CELF2: variants seen among roughly 807,000 people sequenced by gnomAD.
The protein encoded by CELF2 is CUGBP Elav-like family member 2.
Under a neutral mutation model 62.6 loss-of-function variants are expected in CELF2, and 8 were observed. That is an observed-to-expected ratio of 0.13 (90% CI 0.07 to 0.23). CELF2 has a LOEUF of 0.23. CELF2 is among the 10% of genes least tolerant of loss of function. The pLI is 1.00. For missense variants in CELF2, 333 were observed against 671.0 expected, an observed-to-expected ratio of 0.50 and a Z score of 5.56; for synonymous variants, 258 against 250.0, an observed-to-expected ratio of 1.03 and a Z score of -0.30.
At chr10:10,615,747 T>G in the CELF2 span, among the ~76,000 whole-genome samples, 2 of 152,120 alleles carry the variant, frequency 1.3e-5, no homozygotes, top group African/African-American at 4.8e-5. Context: ...TTGCTTCCCC[T>G]TCACCTTCCA....
chr10:10,527,732 G>A, the CELF2 span, among the ~76,000 whole-genome samples: 140 of 152,246 alleles, frequency 9.2e-4, 1 homozygote, highest in East Asian at 0.012. Context: ...TTCTTTATGC[G>A]GAAGAAAATA....
the CELF2 span, among the ~76,000 whole-genome samples, chr10:10,670,356 C>G: frequency 6.6e-6 from 1 of 152,110 alleles, no homozygotes; most frequent in South Asian, 2.1e-4. Context: ...ATAACACTTA[C>G]CAGTTGACCA....
intron 1 of CELF2, among the ~76,000 whole-genome samples, chr10:11,073,281 G>A (rs1422196309): frequency 1.3e-5 from 2 of 152,124 alleles, no homozygotes; most frequent in African/African-American, 4.8e-5. Flanking sequence ...TTTTTCTCTA[G>A]GAAGGCTTTT....
the CELF2 span, among the ~76,000 whole-genome samples, chr10:10,537,310 C>A: frequency 2.0e-5 from 3 of 152,106 alleles, no homozygotes; most frequent in Non-Finnish European, 4.4e-5. Context: ...AGCTTTATAA[C>A]CGGCCCAGGA....
chr10:10,525,170 A>G, the CELF2 span, among the ~76,000 whole-genome samples: 1,784 of 152,260 alleles, frequency 0.012, 33 homozygotes, highest in African/African-American at 0.041. Context: ...AGCAATTTTC[A>G]AGTATATCAT....
chr10:11,086,312 G>A lies in CELF2; in HGVS notation c.74+68149G>A, dbSNP rs116818493. Among the ~76,000 whole-genome samples the A allele has an allele frequency of 7.4e-3, 1,131 of 151,906 alleles. 9 individuals carry two copies. Among genetic ancestry groups the A allele is most frequent in the African/African-American group, 0.025 (1,025 of 41,422 alleles). On this transcript the variant is annotated intron_variant, in intron 1 of 12. Transcript: ENST00000633077. ...CAATAACAACCGTATTTTTCCCTCC[G>A]CCTGGCCTGTGTCTTGACTTTGGAC...
chr10:11,064,136 A>G (rs1253899387), intron 1 of CELF2, among the ~76,000 whole-genome samples: 1 of 152,170 alleles, frequency 6.6e-6, no homozygotes, highest in African/African-American at 2.4e-5. Context: ...CGGGCAAAAG[A>G]TTGAGTCTTC....
the CELF2 span, among the ~76,000 whole-genome samples, chr10:10,498,719 T>C: frequency 6.6e-6 from 1 of 152,170 alleles, no homozygotes; most frequent in Non-Finnish European, 1.5e-5. Flanking sequence ...GCCAAGCAAG[T>C]GTGTGCATTA....
At chr10:10,850,309 A>G (rs1019661522) in intron 1 of CELF2, among the ~76,000 whole-genome samples, 2 of 152,248 alleles carry the variant, frequency 1.3e-5, no homozygotes, top group African/African-American at 4.8e-5. Flanking sequence ...TTCTCCAGTA[A>G]GAAGATGATT....
the CELF2 span, among the ~76,000 whole-genome samples, chr10:10,665,897 A>T: frequency 1.3e-5 from 2 of 152,278 alleles, no homozygotes; most frequent in South Asian, 2.1e-4. Context: ...CCATACAATC[A>T]TCAGAAGTGG....
At chr10:10,775,273 C>A in the CELF2 span, among the ~76,000 whole-genome samples, 1 of 152,168 alleles carries the variant, frequency 6.6e-6, no homozygotes, top group Non-Finnish European at 1.5e-5. Context: ...GACAGAGGAA[C>A]AACCTTGGCC....
chr10:10,620,917 CA>C, the CELF2 span, among the ~76,000 whole-genome samples: 11,554 of 35,640 alleles, frequency 0.32, 410 homozygotes, highest in Non-Finnish European at 0.34. Context: ...GACCCCATCT[CA>C]AAAAAAAAAA....
the CELF2 span, among the ~76,000 whole-genome samples, chr10:10,684,955 T>G: frequency 6.6e-6 from 1 of 152,142 alleles, no homozygotes; most frequent in South Asian, 2.1e-4. Context: ...ATTTCCCATA[T>G]CTCAGTGGAT....
chr10:10,711,384 AG>A, the CELF2 span, among the ~76,000 whole-genome samples: 1 of 152,208 alleles, frequency 6.6e-6, no homozygotes, highest in South Asian at 2.1e-4. Context: ...AAAAGATGAC[AG>A]GCTTTGTGAT....
chr10:10,728,454 A>G, the CELF2 span, among the ~76,000 whole-genome samples: 1 of 43,272 alleles, frequency 2.3e-5, no homozygotes, highest in South Asian at 1.3e-3. Flanking sequence ...CTCTGTTTCA[A>G]AAAAAAAAAA....
chr10:10,504,238 G>A, the CELF2 span, among the ~76,000 whole-genome samples: 11 of 151,976 alleles, frequency 7.2e-5, no homozygotes, highest in South Asian at 8.3e-4. Context: ...ACTTCCTTTA[G>A]CCATTCTTTT....
rs780308922 is a variant in CELF2, at chr10:11,237,502, G to T, written c.355-11651G>T. Reference sequence around the variant, plus strand: ...GGACAGAGTCGAGCCCTGCAAAGAGGCTCAGAAGATCCAGGTGAGGAGACT... The same window carrying T: ...GGACAGAGTCGAGCCCTGCAAAGAGTCTCAGAAGATCCAGGTGAGGAGACT... On this transcript the variant is annotated intron_variant, in intron 3 of 12. Transcript: ENST00000633077. This position sits in a 1 kb window ranked among gnomAD's most constrained non-coding sequence, Gnocchi z 4.0. Among the ~76,000 whole-genome samples, 1 of 152,290 alleles carries T rather than the reference G, an allele frequency of 6.6e-6. No homozygotes were observed. Among genetic ancestry groups the T allele is most frequent in the East Asian group, 1.9e-4 (1 of 5,186 alleles).
the CELF2 span, among the ~76,000 whole-genome samples, chr10:10,609,409 G>A: frequency 6.6e-6 from 1 of 152,278 alleles, no homozygotes. Flanking sequence ...CATAGAAAAT[G>A]GTTAATAAAT....
intron 1 of CELF2, among the ~76,000 whole-genome samples, chr10:11,154,367 A>T (rs904538886): frequency 2.0e-5 from 3 of 152,254 alleles, no homozygotes; most frequent in African/African-American, 7.2e-5. Context: ...TACTGATTTC[A>T]TCTTAAGATA....
Sources: allele counts gnomAD v4.1 joint callset (sites outside exome capture counted in the v4.1 genomes callset), GRCh38; gene constraint gnomAD v4.1.1; non-coding constraint Gnocchi (gnomAD v3.1); transcripts MANE v1.5; gene names NCBI Gene and HGNC (gene_info 2026-07-23, HGNC 2026-07-21).